CFAP20DC: variants seen among roughly 807,000 people sequenced by gnomAD.
CFAP20DC encodes protein CFAP20DC.
CFAP20DC carries 84 observed loss-of-function variants against 101.7 expected under a neutral mutation model. That is an observed-to-expected ratio of 0.83 (90% confidence interval 0.69 to 0.99). The LOEUF (loss-of-function observed/expected upper bound fraction) is 0.99. CFAP20DC is among the 50% of genes least tolerant of loss of function. The pLI is 0.00. For missense variants in CFAP20DC, 1,007 were observed against 970.3 expected, an observed-to-expected ratio of 1.04 and a Z score of -0.50; for synonymous variants, 359 against 351.2, an observed-to-expected ratio of 1.02 and a Z score of -0.25.
chr3:58,890,611 A>G (rs1446774794), intron 6 of CFAP20DC, among the ~76,000 whole-genome samples: 80 of 146,466 alleles, frequency 5.5e-4, no homozygotes, highest in Non-Finnish European at 1.0e-3. Context: ...CCGGGCGGAG[A>G]CGCTCCTCAC....
Position 58,724,440 on chromosome 3 carries a change from T to G in CFAP20DC, c.198-6812A>C, listed in dbSNP as rs949724758. Among the ~76,000 whole-genome samples the G allele has an allele frequency of 2.0e-5, 3 of 152,150 alleles. No individual in the cohort carries two copies. Among genetic ancestry groups the G allele is most frequent in the African/African-American group, 4.8e-5 (2 of 41,418 alleles). On this transcript the variant is annotated intron_variant, in intron 3 of 3. Coordinates refer to the CFAP20DC transcript ENST00000486145. The surrounding 1 kb of genome is among the most constrained non-coding windows in gnomAD (Gnocchi z 5.6). ...GACCCTCTCTCTTATCTGTAAACAC[T>G]GTGTTCAAGGAGAAAGGCACTCCTT... is the stretch of plus-strand genomic sequence containing the variant.
chr3:59,039,235 C>T (rs1329893269), intron 4 of CFAP20DC, among the ~76,000 whole-genome samples: 1 of 152,172 alleles, frequency 6.6e-6, no homozygotes, highest in East Asian at 1.9e-4. Context: ...CAAAACATAA[C>T]ATCGCCCTTC....
At chr3:58,910,446 A>G (rs531281777) in intron 6 of CFAP20DC, among the ~76,000 whole-genome samples, 1 of 152,306 alleles carries the variant, frequency 6.6e-6, no homozygotes, top group East Asian at 1.9e-4. Context: ...AAGGTCTTCT[A>G]TCATCTAACA....
Position 59,014,800 on chromosome 3 carries a change from A to G in CFAP20DC, c.278+24757T>C, listed in dbSNP as rs1175492731. On this transcript the variant is annotated intron_variant, in intron 4 of 16. Transcript: ENST00000482387. This position sits in a 1 kb window ranked among gnomAD's most constrained non-coding sequence, Gnocchi z 4.9. ...AAGGCAGTAGTACTACATATGGACC[A>G]TGGCTATATGTAGTACTACTCCTTA... Among the ~76,000 whole-genome samples, 1 of 152,052 alleles carries G rather than the reference A, an allele frequency of 6.6e-6. No individual in the cohort carries two copies. The highest frequency in any genetic ancestry group is 2.4e-5 in the African/African-American group (1 of 41,390).
intron 4 of CFAP20DC, among the ~76,000 whole-genome samples, chr3:58,982,496 C>T (rs958122388): frequency 6.6e-6 from 1 of 151,784 alleles, no homozygotes; most frequent in Non-Finnish European, 1.5e-5. Context: ...GAAAATGTGG[C>T]ACATATACAC....
Position 58,849,389 on chromosome 3 carries a change from A to G in CFAP20DC, c.1614T>C (p.Gly538=). The change falls in exon 13 of 17, where the codon GGT becomes GGC. Residue 538 remains glycine (G), a synonymous_variant. Coordinates refer to ENST00000482387, the MANE Select transcript of CFAP20DC (RefSeq NM_001394063.1). ...SSEEGNHSIQ[G]SRGPTTGPSE... ...AAGGACCAGTTGTTGGGCCTCGAGA[A>G]CCCTGGATACTGTGGTTACCCTATG... 1 of 1,532,508 alleles carries G rather than the reference A, an allele frequency of 6.5e-7. No individual in the cohort carries two copies. 94.9% of individuals were successfully genotyped at this position (1,532,508 alleles called of 1,614,324 possible).
At chr3:58,919,144 AC>A (rs2085060489) in intron 5 of CFAP20DC, among the ~76,000 whole-genome samples, 1 of 152,140 alleles carries the variant, frequency 6.6e-6, no homozygotes, top group South Asian at 2.1e-4. Flanking sequence ...GATTTCTTTC[AC>A]CTTAGATGAT....
intron 4 of CFAP20DC, among the ~76,000 whole-genome samples, chr3:58,962,806 C>A (rs1460722939): frequency 6.6e-6 from 1 of 152,080 alleles, no homozygotes; most frequent in Admixed American, 6.6e-5. Context: ...AGCAAAGGCT[C>A]TTTTCAGTCT....
At chr3:58,836,574 G>A (rs760070011) in intron 13 of CFAP20DC, among the ~76,000 whole-genome samples, 28 of 152,066 alleles carry the variant, frequency 1.8e-4, no homozygotes, top group Non-Finnish European at 3.2e-4. Context: ...GTTCTTCATG[G>A]GCTGAAGGGG....
intron 15 of CFAP20DC, among the ~76,000 whole-genome samples, chr3:58,769,886 G>A (rs762057064): frequency 3.3e-5 from 5 of 152,058 alleles, no homozygotes; most frequent in African/African-American, 9.7e-5. Flanking sequence ...CTTTCTTCTG[G>A]TTTCTACAAA....
intron 12 of CFAP20DC, among the ~76,000 whole-genome samples, chr3:58,851,933 G>A (rs2078272508): frequency 6.6e-6 from 1 of 152,156 alleles, no homozygotes; most frequent in South Asian, 2.1e-4. Context: ...GGAAGCTTTT[G>A]TGGGTGTTTT....
In CFAP20DC at chr3:58,795,758, G is replaced by A. The variant is rs1169906066; in HGVS notation, c.2237+10637C>T. Among the ~76,000 whole-genome samples, 1 of 152,212 alleles carries A rather than the reference G, an allele frequency of 6.6e-6. No individual in the cohort carries two copies. Among genetic ancestry groups the A allele is most frequent in the Non-Finnish European group, 1.5e-5 (1 of 68,038 alleles). Reference sequence around the variant, plus strand: ...ATCTATTGTTCTGAAACTCCTAGGGGAATGGGTTTCATAAGTTTATAATTT... The same window carrying A: ...ATCTATTGTTCTGAAACTCCTAGGGAAATGGGTTTCATAAGTTTATAATTT... On this transcript the variant is annotated intron_variant, in intron 15 of 16. Transcript: ENST00000482387. The surrounding 1 kb of genome is among the most constrained non-coding windows in gnomAD (Gnocchi z 4.2).
At chr3:58,720,176 A>G (rs1323359593) in intron 3 of CFAP20DC, among the ~76,000 whole-genome samples, 1 of 152,214 alleles carries the variant, frequency 6.6e-6, no homozygotes, top group Non-Finnish European at 1.5e-5. Context: ...ATTCCCCACT[A>G]GAATGTAAGT....
intron 3 of CFAP20DC, among the ~76,000 whole-genome samples, chr3:58,733,721 G>A (rs2067692053): frequency 6.6e-6 from 1 of 152,184 alleles, no homozygotes; most frequent in Admixed American, 6.5e-5. Flanking sequence ...CAGCTTCAAA[G>A]AATTTCTGGA....
rs183607281 is a variant in CFAP20DC at position 59,002,443 on chromosome 3, A to C, written c.278+37114T>G. On this transcript the variant is annotated intron_variant, in intron 4 of 16. Transcript: ENST00000482387. The surrounding 1 kb of genome is among the most constrained non-coding windows in gnomAD (Gnocchi z 4.5). ...ATTTCTAAATGTGAAAACATCTACA[A>C]AACATCTATTCAGTAACTTACATAC... Among the ~76,000 whole-genome samples the C allele has an allele frequency of 7.2e-4, 110 of 152,374 alleles. No individual in the cohort carries two copies. The highest frequency in any genetic ancestry group is 2.5e-3 in the African/African-American group (106 of 41,600).
intron 15 of CFAP20DC, among the ~76,000 whole-genome samples, chr3:58,762,366 A>AT (rs1033243576): frequency 6.6e-5 from 10 of 151,592 alleles, no homozygotes; most frequent in Admixed American, 1.3e-4. Context: ...CAACCCCCGC[A>AT]TTTTTTTGTT....
intron 13 of CFAP20DC, among the ~76,000 whole-genome samples, chr3:58,842,006 G>A (rs2108191655): frequency 6.6e-6 from 1 of 152,308 alleles, no homozygotes; most frequent in African/African-American, 2.4e-5. Context: ...ATATTACCCA[G>A]AGGGTTGTAC....
At chr3:58,984,950 G>T (rs1005504661) in intron 4 of CFAP20DC, among the ~76,000 whole-genome samples, 1 of 152,138 alleles carries the variant, frequency 6.6e-6, no homozygotes, top group Non-Finnish European at 1.5e-5. Context: ...CCATCACCCA[G>T]GCTAGAGTGG....
intron 6 of CFAP20DC, among the ~76,000 whole-genome samples, chr3:58,902,813 C>G (rs1389620226): frequency 6.6e-6 from 1 of 152,098 alleles, no homozygotes; most frequent in Non-Finnish European, 1.5e-5. Flanking sequence ...CTCTATATTA[C>G]CTACAATACC....
Sources: allele counts gnomAD v4.1 joint callset (sites outside exome capture counted in the v4.1 genomes callset), GRCh38; gene constraint gnomAD v4.1.1; non-coding constraint Gnocchi (gnomAD v3.1); transcripts MANE v1.5; gene names NCBI Gene and HGNC (gene_info 2026-07-23, HGNC 2026-07-21).